Variants in VPS53 observed in about 807,000 individuals in gnomAD.
VPS53 encodes the protein vacuolar protein sorting-associated protein 53 homolog.
In VPS53, 70 loss-of-function variants were observed where a neutral mutation model predicts 107.0. That is an observed-to-expected ratio of 0.65 (90% confidence interval 0.54 to 0.80). The LOEUF (loss-of-function observed/expected upper bound fraction) is 0.80. VPS53 is among the 30% of genes least tolerant of loss of function. The pLI, the probability that VPS53 is intolerant of heterozygous loss-of-function variation, is 0.00. For synonymous variants in VPS53, 409 were observed against 393.3 expected (o/e 1.04, Z -0.47); for missense variants, 917 against 1,049.4 (o/e 0.87, Z 1.74).
intron 4 of VPS53, among the ~76,000 whole-genome samples, chr17:691,122 T>C (rs1972762108): frequency 6.6e-6 from 1 of 152,114 alleles, no homozygotes; most frequent in Admixed American, 6.5e-5. Flanking sequence ...AATTGCATTA[T>C]AAAGATGAAG....
chr17:537,938 G>A (rs891134259), intron 17 of VPS53: 1 of 152,262 alleles, frequency 6.6e-6, no homozygotes, highest in African/African-American at 2.4e-5. Context: ...CAAACACTAG[G>A]GTGGACCAGA....
chr17:571,484 T>TC (rs1914052221), intron 13 of VPS53, among the ~76,000 whole-genome samples: 6 of 117,060 alleles, frequency 5.1e-5, no homozygotes, highest in Non-Finnish European at 1.1e-4. Flanking sequence ...CCTCTCCCTC[T>TC]CCTTCTCCCT....
chr17:626,480 C>A (rs1969714963), intron 10 of VPS53, among the ~76,000 whole-genome samples: 1 of 152,068 alleles, frequency 6.6e-6, no homozygotes, highest in African/African-American at 2.4e-5. Flanking sequence ...TCAAGACCAG[C>A]CTGGCCAACG....
At chr17:562,844 T>A in intron 13 of VPS53, 99 bp from the exon 14 acceptor site, 1 of 1,332,018 alleles carries the variant, frequency 7.5e-7, no homozygotes, top group South Asian at 1.4e-5. Context: ...CCACAAGTAA[T>A]CATTCCTACT....
At chr17:677,888 G>A (rs1268076046) in intron 4 of VPS53, among the ~76,000 whole-genome samples, 1 of 152,108 alleles carries the variant, frequency 6.6e-6, no homozygotes, top group Non-Finnish European at 1.5e-5. Flanking sequence ...AAAGGCTGAG[G>A]CAGGAGGTCG....
chr17:539,776 C>T (rs1910458070), intron 17 of VPS53, among the ~76,000 whole-genome samples: 1 of 152,174 alleles, frequency 6.6e-6, no homozygotes, highest in South Asian at 2.1e-4. Flanking sequence ...TTCGCAGGTC[C>T]CTTTGCATGG....
At chr17:625,400 TG>T (rs1178492798) in intron 10 of VPS53, among the ~76,000 whole-genome samples, 1 of 150,254 alleles carries the variant, frequency 6.7e-6, no homozygotes, top group Non-Finnish European at 1.5e-5. Context: ...AGTTCAAGGC[TG>T]GGGTACGCTA....
rs2151837834 is a variant in VPS53, at chr17:551,881, G to A, written c.1857C>T (p.Ala619=). The A allele has an allele frequency of 6.2e-7, 1 of 1,602,304 alleles. No homozygotes were observed. The highest frequency in any genetic ancestry group is 8.5e-7 in the Non-Finnish European group (1 of 1,174,136). ...LDAACDPALT[A]MSKMQWQNVE... ...TTTCCCAAGACCTTACCTTGCTCAT[G>A]GCAGTCAGGGCAGGATCACAGGCAG... is the stretch of plus-strand genomic sequence containing the variant. The change falls in exon 17 of 22, where the codon GCC becomes GCT. Residue 619 remains alanine (A), a synonymous_variant. Coordinates refer to ENST00000437048, the MANE Select transcript of VPS53 (RefSeq NM_001128159.3).
rs957292923 is a variant in VPS53, at chr17:517,267, A to G, written c.*1861T>C. On this transcript the variant is annotated 3_prime_UTR_variant, in exon 22 of 22. Transcript: ENST00000437048. ...ACTTCTTTTCTCCTCCGCATTCTCA[A>G]ATTTGAGACGCTTGATGCGTGAGAG... 2 of 393,208 alleles carry G rather than the reference A, an allele frequency of 5.1e-6. No homozygotes were observed. The highest frequency in any genetic ancestry group is 4.1e-5 in the African/African-American group (2 of 48,502). The allele number at this position is 393,208 out of a possible 1,614,324, so 24.4% of individuals were successfully genotyped here.
At chr17:523,872 G>GT (rs1357182866) in intron 19 of VPS53, among the ~76,000 whole-genome samples, 3 of 152,216 alleles carry the variant, frequency 2.0e-5, no homozygotes, top group Admixed American at 2.0e-4. Flanking sequence ...CAAGGCCCAC[G>GT]TGAAGAGCCT....
At chr17:579,943 A>T (rs1242840161) in intron 13 of VPS53, among the ~76,000 whole-genome samples, 1 of 150,920 alleles carries the variant, frequency 6.6e-6, no homozygotes, top group African/African-American at 2.4e-5. Flanking sequence ...TCAGAATCTA[A>T]TGCATTCCCA....
intron 2 of VPS53, 107 bp downstream of exon 2, chr17:710,426 C>T: frequency 1.2e-6 from 1 of 821,730 alleles, no homozygotes; most frequent in Non-Finnish European, 2.0e-6. Context: ...ATTTAACTCT[C>T]CCTTGTGTAT....
chr17:707,826 C>A lies in VPS53; in HGVS notation c.168+2707G>T, dbSNP rs182639433. Among the ~76,000 whole-genome samples the A allele has an allele frequency of 5.6e-3, 677 of 121,740 alleles. 7 individuals are homozygous for A. The highest frequency in any genetic ancestry group is 8.1e-3 in the Non-Finnish European group (490 of 60,470). The allele number at this position is 121,740 out of a possible 152,430, so 79.9% of individuals were successfully genotyped here. ...TGCCACTGCACTCCAACCTGGGCAA[C>A]AGAGTAAAACTCTCTTTCAAAAAAA... On this transcript the variant is annotated intron_variant, in intron 2 of 21. Coordinates refer to ENST00000437048, the MANE Select transcript of VPS53 (RefSeq NM_001128159.3).
chr17:611,382 A>G lies in VPS53; in HGVS notation c.1117-9486T>C, dbSNP rs149171813. 6.6e-5 allele frequency among the ~76,000 whole-genome samples: 10 copies of G among 152,300 alleles called. No individual in the cohort carries two copies. In the East Asian group the frequency reaches 1.5e-3, roughly 23 times the overall value. On this transcript the variant is annotated intron_variant, in intron 11 of 21. Coordinates refer to ENST00000437048, the MANE Select transcript of VPS53 (RefSeq NM_001128159.3). ...ATGGGAAAAAGCAAATGAAAACCAC[A>G]AGGAGATACTACTCTACACCCATGA...
At chr17:622,404 A>G (rs1231707949) in intron 11 of VPS53, among the ~76,000 whole-genome samples, 3 of 151,102 alleles carry the variant, frequency 2.0e-5, no homozygotes, top group Admixed American at 1.3e-4. Context: ...AAAAAAACAA[A>G]TCTAGCTCTA....
At chr17:648,793 G>C (rs546057512) in intron 7 of VPS53, among the ~76,000 whole-genome samples, 3 of 137,006 alleles carry the variant, frequency 2.2e-5, no homozygotes, top group East Asian at 4.9e-4. Context: ...CTGGAGGACA[G>C]AGGAATGGAA....
In VPS53 at chr17:516,324, GC is replaced by G. The variant is rs1908307360; in HGVS notation, c.*2803del. The G allele has an allele frequency of 6.6e-6, 1 of 152,100 alleles. No homozygotes were observed. Among genetic ancestry groups the G allele is most frequent in the African/African-American group, 2.4e-5 (1 of 41,402 alleles). 9.4% of individuals were successfully genotyped at this position (152,100 alleles called of 1,614,324 possible). A position where few individuals can be genotyped will look rare whatever the true frequency, so the allele number is the denominator to read the frequency against. On this transcript the variant is annotated 3_prime_UTR_variant, in exon 22 of 22. Coordinates refer to ENST00000437048, the MANE Select transcript of VPS53 (RefSeq NM_001128159.3). ...ACCTATGGAACTTTTAAACCTGTAT[GC>G]CAGGCCCCATCCAAACTTACTGACT...
At chr17:634,799 T>C (rs2143217028) in intron 7 of VPS53, among the ~76,000 whole-genome samples, 1 of 152,034 alleles carries the variant, frequency 6.6e-6, no homozygotes, top group Admixed American at 6.6e-5. Context: ...CTATCATTGA[T>C]GGACATTTGG....
rs997567659 is a variant in VPS53 at position 514,818 on chromosome 17, A to G, written c.*4310T>C. ...TCTGCACAGAGGAGCCACCCTAGAC[A>G]TAAGAAATCAGGCACCCCTTCTCGG... is the stretch of plus-strand genomic sequence containing the variant. On this transcript the variant is annotated 3_prime_UTR_variant, in exon 22 of 22. Transcript: ENST00000437048. 2 of 152,142 alleles carry G rather than the reference A, an allele frequency of 1.3e-5. No individual in the cohort carries two copies. Among genetic ancestry groups the G allele is most frequent in the Non-Finnish European group, 1.5e-5 (1 of 68,110 alleles). The allele number at this position is 152,142 out of a possible 1,614,324, so 9.4% of individuals were successfully genotyped here.
Sources: gnomAD v4.1 joint callset for allele counts (sites outside exome capture counted in the v4.1 genomes callset) on GRCh38, gnomAD v4.1.1 for gene constraint, MANE v1.5 for transcripts, NCBI Gene and HGNC (gene_info 2026-07-23, HGNC 2026-07-21) for gene names.